The following NCOA2 variants were observed in gnomAD, a reference collection of about 807,000 sequenced individuals.
NCOA2 encodes nuclear receptor coactivator 2, also known as class E basic helix-loop-helix protein 75.
NCOA2 carries 21 observed loss-of-function variants against 145.1 expected under a neutral mutation model. That is an observed-to-expected ratio of 0.14 (90% CI 0.10 to 0.21). NCOA2 has a LOEUF of 0.21. Ranked by LOEUF, NCOA2 falls within the 10% of genes least tolerant of loss-of-function variation. The pLI, the probability that NCOA2 is intolerant of heterozygous loss-of-function variation, is 1.00. For synonymous variants in NCOA2, 619 were observed against 637.5 expected (o/e 0.97, Z 0.44); for missense variants, 1,472 against 1,837.6 (o/e 0.80, Z 3.64).
intron 14 of NCOA2, 82 bp from the exon 15 acceptor site, chr8:70,138,414 T>C (rs1413037246): frequency 2.3e-6 from 3 of 1,330,284 alleles, no homozygotes; most frequent in African/African-American, 3.0e-5. Flanking sequence ...GTGAAATGTC[T>C]GGTTTATGAA....
intron 2 of NCOA2, among the ~76,000 whole-genome samples, chr8:70,266,719 C>T (rs1267514613): frequency 3.3e-5 from 5 of 152,208 alleles, no homozygotes; most frequent in African/African-American, 9.6e-5. Context: ...CTAACCAATA[C>T]ACTCTAATTT....
chr8:70,415,590 T>C, the NCOA2 span, among the ~76,000 whole-genome samples: 1 of 152,206 alleles, frequency 6.6e-6, no homozygotes, highest in Non-Finnish European at 1.5e-5. Flanking sequence ...CTATTCCTAC[T>C]GAAGTAATTG....
chr8:70,272,025 AAATATTTT>A (rs1274302970), intron 2 of NCOA2, among the ~76,000 whole-genome samples: 10 of 152,254 alleles, frequency 6.6e-5, no homozygotes, highest in Admixed American at 1.3e-4. Context: ...AAAGTAAAAG[AAATATTTT>A]AAAGTACGTA....
Position 70,155,949 on chromosome 8 carries a change from GAGA to G in NCOA2, c.2394+19_2394+21del, listed in dbSNP as rs1563535806. 1 of 1,534,034 alleles carries G rather than the reference GAGA, an allele frequency of 6.5e-7. No homozygotes were observed. The highest frequency in any genetic ancestry group is 8.8e-7 in the Non-Finnish European group (1 of 1,142,514). ...GATGGATACAGATTAGTACACCTGC[GAGA>G]AGATGTGATAAAACTTACCTGGTCA... On this transcript the variant is annotated intron_variant, in intron 11 of 22. Transcript: ENST00000452400.
At chr8:70,271,043 TG>T (rs1274465268) in intron 2 of NCOA2, among the ~76,000 whole-genome samples, 5 of 152,232 alleles carry the variant, frequency 3.3e-5, no homozygotes, top group Non-Finnish European at 5.9e-5. Flanking sequence ...GTTAATTTTT[TG>T]TTTGTTTGTA....
chr8:70,298,587 A>G (rs539737410), intron 1 of NCOA2, among the ~76,000 whole-genome samples: 1 of 152,218 alleles, frequency 6.6e-6, no homozygotes. Context: ...TAAGCCCGTT[A>G]TAATTCTATA....
chr8:70,199,871 T>C (rs1365172037), intron 4 of NCOA2, among the ~76,000 whole-genome samples: 1 of 152,208 alleles, frequency 6.6e-6, no homozygotes, highest in African/African-American at 2.4e-5. Flanking sequence ...ATCAGGATTT[T>C]TCGTACCTCT....
intron 2 of NCOA2, among the ~76,000 whole-genome samples, chr8:70,238,148 A>G (rs1349734122): frequency 1.3e-5 from 2 of 148,758 alleles, no homozygotes; most frequent in African/African-American, 5.2e-5. Flanking sequence ...AAGCATGTGC[A>G]CACGCGCGCG....
intron 15 of NCOA2, among the ~76,000 whole-genome samples, chr8:70,132,221 G>A (rs1809210154): frequency 6.6e-6 from 1 of 152,202 alleles, no homozygotes. Context: ...TTTAAGGTAT[G>A]ATTTTTATTT....
intron 2 of NCOA2, among the ~76,000 whole-genome samples, chr8:70,243,691 GGAAAATGGTATGTAACCCT>G (rs1043045166): frequency 4.6e-5 from 7 of 151,056 alleles, no homozygotes; most frequent in African/African-American, 7.3e-5. Flanking sequence ...CTTTCTGGGC[GGAAAATGGTATGTAACCCT>G]GAAAATGGTA....
chr8:70,383,890 GC>G (rs755740273), intron 1 of NCOA2, among the ~76,000 whole-genome samples: 2 of 152,136 alleles, frequency 1.3e-5, no homozygotes, highest in Non-Finnish European at 2.9e-5. Context: ...CATAAACAGA[GC>G]TTATAAATAG....
chr8:70,189,172 G>T (rs1418365011), intron 4 of NCOA2, among the ~76,000 whole-genome samples: 1 of 152,060 alleles, frequency 6.6e-6, no homozygotes, highest in Admixed American at 6.6e-5. Context: ...TTCATTTGGG[G>T]TGTCTCTCTA....
At chr8:70,185,627 G>A (rs926128094) in intron 4 of NCOA2, among the ~76,000 whole-genome samples, 2 of 152,148 alleles carry the variant, frequency 1.3e-5, no homozygotes, top group East Asian at 1.9e-4. Context: ...GTGGGGTGGC[G>A]TGGAGGTGGA....
At chr8:70,246,102 T>TA (rs776494200) in intron 2 of NCOA2, among the ~76,000 whole-genome samples, 1 of 152,102 alleles carries the variant, frequency 6.6e-6, no homozygotes, top group Non-Finnish European at 1.5e-5. Flanking sequence ...CCATTTCTGA[T>TA]AAATAATCAA....
chr8:70,369,548 T>C (rs1403551485), intron 1 of NCOA2, among the ~76,000 whole-genome samples: 1 of 152,216 alleles, frequency 6.6e-6, no homozygotes, highest in East Asian at 1.9e-4. Context: ...TGTGTCTTGC[T>C]CCCTGGCAGC....
chr8:70,277,218 T>C (rs1383915075), intron 2 of NCOA2, among the ~76,000 whole-genome samples: 1 of 152,216 alleles, frequency 6.6e-6, no homozygotes, highest in African/African-American at 2.4e-5. Flanking sequence ...ATGGTCTGTA[T>C]AACATTTCTG....
chr8:70,187,624 A>G (rs1457137855), intron 4 of NCOA2, among the ~76,000 whole-genome samples: 2 of 152,234 alleles, frequency 1.3e-5, no homozygotes, highest in Non-Finnish European at 2.9e-5. Context: ...ATTAATTATG[A>G]TCATCCATAT....
At chr8:70,405,016 T>G (rs577853056), upstream of NCOA2, among the ~76,000 whole-genome samples, 8 of 152,366 alleles carry the variant, frequency 5.3e-5, no homozygotes, top group South Asian at 1.5e-3. Context: ...AATCTGACTG[T>G]GCTAGGTGAT....
chr8:70,211,879 A>G (rs1376585697), intron 4 of NCOA2, among the ~76,000 whole-genome samples: 4 of 152,178 alleles, frequency 2.6e-5, no homozygotes, highest in African/African-American at 9.7e-5. Flanking sequence ...TATTAGAAGA[A>G]TAAGACGTGA....
Sources: gnomAD v4.1 joint callset for allele counts (sites outside exome capture counted in the v4.1 genomes callset) on GRCh38, gnomAD v4.1.1 for gene constraint, MANE v1.5 for transcripts, NCBI Gene and HGNC (gene_info 2026-07-23, HGNC 2026-07-21) for gene names.